AGBL4: variants seen among roughly 807,000 people sequenced by gnomAD.
AGBL4 encodes AGBL carboxypeptidase 4, also known as cytosolic carboxypeptidase 6.
Under a neutral mutation model 66.4 loss-of-function variants are expected in AGBL4, and 58 were observed. That is an observed-to-expected ratio of 0.87 (90% confidence interval 0.71 to 1.09). The LOEUF is 1.09. AGBL4 is among the 50% of genes least tolerant of loss of function. The pLI is 0.00. For missense variants in AGBL4, 579 were observed against 631.0 expected (o/e 0.92, Z 0.88); for synonymous variants, 234 against 222.9 (o/e 1.05, Z -0.44).
intron 1 of AGBL4, among the ~76,000 whole-genome samples, chr1:49,857,297 C>G (rs1422979438): frequency 6.6e-6 from 1 of 152,092 alleles, no homozygotes; most frequent in African/African-American, 2.4e-5. Flanking sequence ...ACCATACCAC[C>G]CAAAGCAATC....
chr1:48,626,665 G>A (rs1204267391), intron 9 of AGBL4, among the ~76,000 whole-genome samples: 1 of 152,180 alleles, frequency 6.6e-6, no homozygotes, highest in African/African-American at 2.4e-5. Context: ...ACTCACCTAT[G>A]AGCACCAAGC....
chr1:49,012,455 T>C (rs1170477350), intron 5 of AGBL4, among the ~76,000 whole-genome samples: 1 of 152,176 alleles, frequency 6.6e-6, no homozygotes, highest in Admixed American at 6.5e-5. Flanking sequence ...GGCACTGTGG[T>C]ACATACTTAA....
intron 3 of AGBL4, among the ~76,000 whole-genome samples, chr1:49,657,249 C>T (rs1026309083): frequency 3.9e-5 from 6 of 152,162 alleles, no homozygotes; most frequent in Non-Finnish European, 8.8e-5. Context: ...AGTGAACTCC[C>T]ATTCACAATT....
chr1:49,053,437 T>A (rs186770164), intron 4 of AGBL4, among the ~76,000 whole-genome samples: 1 of 152,226 alleles, frequency 6.6e-6, no homozygotes, highest in African/African-American at 2.4e-5. Context: ...AAAGATGTTG[T>A]CCCTGCTGGC....
intron 7 of AGBL4, among the ~76,000 whole-genome samples, chr1:48,659,264 C>T (rs1042678616): frequency 1.3e-5 from 2 of 152,154 alleles, no homozygotes; most frequent in Non-Finnish European, 2.9e-5. Context: ...GACATTGCTG[C>T]CCCCATTTTG....
chr1:49,073,672 A>G (rs139391802), intron 4 of AGBL4, among the ~76,000 whole-genome samples: 3 of 152,266 alleles, frequency 2.0e-5, no homozygotes, highest in Non-Finnish European at 1.5e-5. Context: ...TCTCTCTTGT[A>G]TGAGGGGTCT....
chr1:49,836,335 T>C (rs1027972981), intron 2 of AGBL4, among the ~76,000 whole-genome samples: 9 of 152,196 alleles, frequency 5.9e-5, no homozygotes, highest in Non-Finnish European at 1.2e-4. Context: ...TGATCTTCAA[T>C]CTCTGATATT....
rs539643383 is a variant in AGBL4, at chr1:48,729,621, G to T, written c.635-66380C>A. Among the ~76,000 whole-genome samples, 3 of 152,032 alleles carry T rather than the reference G, an allele frequency of 2.0e-5. No individual in the cohort carries two copies. The South Asian group carries it at 6.3e-4, about 32-fold the overall frequency. On this transcript the variant is annotated intron_variant, in intron 6 of 13. Coordinates refer to ENST00000371839, the MANE Select transcript of AGBL4 (RefSeq NM_032785.4). Reference sequence around the variant, plus strand: ...ATGAGAAGCCCAGGCCTGGAGAAAGGGAGTAGGTATGGGGCAGAATCCACT... The same window carrying T: ...ATGAGAAGCCCAGGCCTGGAGAAAGTGAGTAGGTATGGGGCAGAATCCACT...
At chr1:48,646,513 A>G (rs1352862067) in intron 8 of AGBL4, among the ~76,000 whole-genome samples, 3 of 131,436 alleles carry the variant, frequency 2.3e-5, no homozygotes, top group South Asian at 2.9e-4. Context: ...ACCAGTTATA[A>G]TGTGTGTGTG....
intron 4 of AGBL4, among the ~76,000 whole-genome samples, chr1:49,157,963 G>T (rs1042189945): frequency 1.3e-5 from 2 of 151,964 alleles, no homozygotes; most frequent in African/African-American, 2.4e-5. Context: ...TAAGTTCTTT[G>T]TAGATTCTGG....
intron 3 of AGBL4, among the ~76,000 whole-genome samples, chr1:49,631,998 C>CAG (rs1422775010): frequency 6.6e-6 from 1 of 152,174 alleles, no homozygotes; most frequent in Non-Finnish European, 1.5e-5. Context: ...GTCAACTATG[C>CAG]TCCCCACAGT....
chr1:49,330,247 T>C (rs2148489755), intron 3 of AGBL4, among the ~76,000 whole-genome samples: 1 of 152,278 alleles, frequency 6.6e-6, no homozygotes, highest in South Asian at 2.1e-4. Context: ...TGAAACCCTG[T>C]CCCTACTAAA....
At chr1:49,930,880 A>G (rs1353013158) in intron 1 of AGBL4, among the ~76,000 whole-genome samples, 1 of 152,210 alleles carries the variant, frequency 6.6e-6, no homozygotes, top group Non-Finnish European at 1.5e-5. Flanking sequence ...ATTTGTATTC[A>G]ACATTGTATT....
intron 6 of AGBL4, among the ~76,000 whole-genome samples, chr1:48,801,445 C>T (rs887822650): frequency 1.3e-5 from 2 of 152,242 alleles, no homozygotes; most frequent in African/African-American, 4.8e-5. Context: ...CCTAGTTTCT[C>T]TGGCTGCCTT....
At position 48,818,843 on chromosome 1, in the gene AGBL4, T is replaced by C. The variant is rs544392470; in HGVS notation, c.634+48348A>G. ...TGAGCATTTTAAGTTTATTTTTTCATGTGTTTTTCTTGAATAGACATATAT... is the reference window on the plus strand; with the variant it reads ...TGAGCATTTTAAGTTTATTTTTTCACGTGTTTTTCTTGAATAGACATATAT... On this transcript the variant is annotated intron_variant, in intron 6 of 13. Coordinates refer to ENST00000371839, the MANE Select transcript of AGBL4 (RefSeq NM_032785.4). Among the ~76,000 whole-genome samples the C allele has an allele frequency of 1.8e-3, 277 of 152,300 alleles. 2 individuals are homozygous for C. Among genetic ancestry groups the C allele is most frequent in the African/African-American group, 6.4e-3 (264 of 41,566 alleles).
chr1:49,247,766 T>A (rs1651758193), intron 3 of AGBL4, among the ~76,000 whole-genome samples: 1 of 152,178 alleles, frequency 6.6e-6, no homozygotes, highest in Non-Finnish European at 1.5e-5. Context: ...ATCATTAACA[T>A]CCTACTGTGT....
At chr1:48,701,877 T>C (rs767309378) in intron 6 of AGBL4, among the ~76,000 whole-genome samples, 13 of 152,188 alleles carry the variant, frequency 8.5e-5, no homozygotes, top group Non-Finnish European at 1.6e-4. Flanking sequence ...AATGAATGAA[T>C]GAGTTAATGA....
At chr1:49,503,810 T>A (rs1648425359) in intron 3 of AGBL4, among the ~76,000 whole-genome samples, 1 of 152,174 alleles carries the variant, frequency 6.6e-6, no homozygotes, top group Non-Finnish European at 1.5e-5. Context: ...ACTTAGGAAG[T>A]ACCTAATTTG....
intron 3 of AGBL4, among the ~76,000 whole-genome samples, chr1:49,567,470 C>T: frequency 6.6e-6 from 1 of 152,108 alleles, no homozygotes; most frequent in East Asian, 1.9e-4. Context: ...TTTATATGAA[C>T]AGTGATAATT....
Sources: gnomAD v4.1 joint callset for allele counts (sites outside exome capture counted in the v4.1 genomes callset) on GRCh38, gnomAD v4.1.1 for gene constraint, MANE v1.5 for transcripts, NCBI Gene and HGNC (gene_info 2026-07-23, HGNC 2026-07-21) for gene names.